The following AVL9 variants were observed in gnomAD, a reference collection of about 807,000 sequenced individuals.
AVL9 encodes the protein AVL9 cell migration associated.
AVL9 carries 49 observed loss-of-function variants against 79.2 expected under a neutral mutation model. The observed-to-expected ratio is 0.62, with a 90% confidence interval of 0.49 to 0.79. The LOEUF is 0.79. AVL9 is among the 30% of genes least tolerant of loss of function. AVL9 has a pLI of 0.00. For missense variants in AVL9, 682 were observed against 776.8 expected (o/e 0.88, Z 1.45); for synonymous variants, 299 against 280.6 (o/e 1.07, Z -0.65).
intron 1 of AVL9, among the ~76,000 whole-genome samples, chr7:32,521,978 T>G (rs1788176708): frequency 6.6e-6 from 1 of 152,224 alleles, no homozygotes; most frequent in Non-Finnish European, 1.5e-5. Context: ...CACATGGTGT[T>G]GAGCCTGCAG....
intron 1 of AVL9, among the ~76,000 whole-genome samples, chr7:32,520,330 G>A (rs12155178): frequency 0.71 from 108,541 of 152,102 alleles, 38,854 homozygotes; most frequent in South Asian, 0.85. Context: ...TGTAAAAATA[G>A]CCACTGTAAG....
intron 1 of AVL9, among the ~76,000 whole-genome samples, chr7:32,518,992 A>G (rs1365447729): frequency 2.0e-5 from 3 of 152,216 alleles, no homozygotes; most frequent in Non-Finnish European, 2.9e-5. Flanking sequence ...TAATCTATAG[A>G]AGAAAAATTT....
chr7:32,566,201 G>A (rs1172002897), intron 10 of AVL9, among the ~76,000 whole-genome samples: 1 of 7,866 alleles, frequency 1.3e-4, no homozygotes, highest in Admixed American at 1.7e-3. Flanking sequence ...TTGGAGACAA[G>A]GTCTCACCAC....
At position 32,559,433 on chromosome 7, in the gene AVL9, A is replaced by C; in HGVS notation, c.1184A>C (p.Gln395Pro). 1 of 1,590,520 alleles carries C rather than the reference A, an allele frequency of 6.3e-7. No individual in the cohort carries two copies. The highest frequency in any genetic ancestry group is 8.6e-7 in the Non-Finnish European group (1 of 1,169,496). ...CTCATTTCGGGTTTGGAAGAGGATC[A>C]GTATGGCATGCCCCTGGCCATCTTC... The part of the protein sequence containing the change: ...PGLISGLEED[Q>P]YGMPLAIFTK... Residue 395 changes from glutamine to proline, a missense_variant, in exon 10 of 16, where the codon CAG becomes CCG. Physicochemically the swap from Gln to Pro is moderately conservative, Grantham distance 76 (BLOSUM62 -1). Coordinates refer to ENST00000318709, the MANE Select transcript of AVL9 (RefSeq NM_015060.3).
intron 4 of AVL9, among the ~76,000 whole-genome samples, chr7:32,550,312 A>G (rs1379535947): frequency 1.1e-5 from 1 of 89,126 alleles, no homozygotes; most frequent in Admixed American, 1.4e-4. Flanking sequence ...ATAAAGGCAT[A>G]TCTCAGAAAA....
rs1248912641 is a variant in AVL9, at chr7:32,579,411, AAT to A, written c.1689-805_1689-804del. On this transcript the variant is annotated intron_variant, in intron 13 of 15. Coordinates refer to ENST00000318709, the MANE Select transcript of AVL9 (RefSeq NM_015060.3). ...ATATTATATGTTATATATTATATAT[AAT>A]ATGTTATATATATAATATATATATT... Among the ~76,000 whole-genome samples the A allele has an allele frequency of 8.0e-3, 26 of 3,266 alleles. 8 individuals are homozygous for A. In the East Asian group the frequency reaches 0.15, roughly 18 times the overall value. 2.1% of individuals were successfully genotyped at this position (3,266 alleles called of 152,430 possible). A position where few individuals can be genotyped will look rare whatever the true frequency, so the allele number is the denominator to read the frequency against.
At chr7:32,543,308 T>A (rs981025778) in intron 2 of AVL9, 47 bp downstream of exon 2, 2 of 1,598,758 alleles carry the variant, frequency 1.3e-6, no homozygotes, top group South Asian at 1.1e-5. Flanking sequence ...TTTGAAAAAA[T>A]TTGCCAAGAT....
chr7:32,521,025 G>A (rs564935040), intron 1 of AVL9, among the ~76,000 whole-genome samples: 23 of 151,730 alleles, frequency 1.5e-4, no homozygotes, highest in Admixed American at 7.9e-4. Context: ...TCTTCCCGCC[G>A]ACATGTAATA....
rs572723858 is a variant in AVL9 at position 32,569,353 on chromosome 7, C to G, written c.1216-667C>G. 4.1e-5 allele frequency among the ~76,000 whole-genome samples: 6 copies of G among 146,660 alleles called. No individual in the cohort carries two copies. The South Asian group carries it at 1.1e-3, about 28-fold the overall frequency. On this transcript the variant is annotated intron_variant, in intron 10 of 15. Transcript: ENST00000318709. ...ATTCCAGTGTTAACACTTGTACTCTCAGGAAGTATGCTGGATTTTTTCTAT... is the reference window on the plus strand; with the variant it reads ...ATTCCAGTGTTAACACTTGTACTCTGAGGAAGTATGCTGGATTTTTTCTAT...
intron 6 of AVL9, 34 bp from the exon 7 acceptor site, chr7:32,553,693 T>C (rs1484076866): frequency 6.4e-7 from 1 of 1,566,508 alleles, no homozygotes; most frequent in Non-Finnish European, 8.8e-7. Flanking sequence ...CATTACATTG[T>C]AGTCACACTT....
At chr7:32,538,260 C>T (rs1789006497) in intron 1 of AVL9, 1 of 152,066 alleles carries the variant, frequency 6.6e-6, no homozygotes, top group African/African-American at 2.4e-5. Flanking sequence ...CCCTTAACTC[C>T]AAGATTATAG....
Position 32,559,396 on chromosome 7 carries a change from C to T in AVL9, c.1147C>T (p.Leu383=), listed in dbSNP as rs1790235224. 6.2e-7 allele frequency: 1 copy of T among 1,611,814 alleles called. No homozygotes were observed. The highest frequency in any genetic ancestry group is 1.7e-5 in the Admixed American group (1 of 59,616). ...TCAAGCTAATACGGGACAGGTAGTC[C>T]TGATACCAGGGCTCATTTCGGGTTT... ...QPQANTGQVV[L]IPGLISGLEE... Residue 383 remains leucine (L), a synonymous_variant, in exon 10 of 16, where the codon CTG becomes TTG. Coordinates refer to ENST00000318709, the MANE Select transcript of AVL9 (RefSeq NM_015060.3).
At chr7:32,537,181 C>T (rs2128131433) in intron 1 of AVL9, 1 of 152,214 alleles carries the variant, frequency 6.6e-6, no homozygotes, top group Non-Finnish European at 1.5e-5. Flanking sequence ...TCTAGGTCCT[C>T]CTACCACTAG....
intron 5 of AVL9, among the ~76,000 whole-genome samples, chr7:32,551,987 G>T (rs1172557725): frequency 7.1e-6 from 1 of 140,082 alleles, no homozygotes; most frequent in Non-Finnish European, 1.5e-5. Context: ...TGTAGAGGGA[G>T]AAAGGAATAC....
At chr7:32,516,514 T>G (rs1212977478) in intron 1 of AVL9, among the ~76,000 whole-genome samples, 2 of 152,170 alleles carry the variant, frequency 1.3e-5, no homozygotes, top group Non-Finnish European at 2.9e-5. Context: ...TCCCCTGGAT[T>G]ACTAGGGGCT....
intron 1 of AVL9, among the ~76,000 whole-genome samples, chr7:32,519,245 G>A (rs4723167): frequency 0.35 from 53,209 of 151,866 alleles, 9,650 homozygotes; most frequent in East Asian, 0.48. Context: ...TGGCCAAGAT[G>A]GTGAAACCCC....
At chr7:32,568,982 G>T (rs370296841) in intron 10 of AVL9, among the ~76,000 whole-genome samples, 1 of 152,116 alleles carries the variant, frequency 6.6e-6, no homozygotes, top group African/African-American at 2.4e-5. Context: ...CCAACTTTTG[G>T]AAGTCTTCCC....
chr7:32,521,964 C>T (rs934279008), intron 1 of AVL9, among the ~76,000 whole-genome samples: 2 of 152,186 alleles, frequency 1.3e-5, no homozygotes, highest in Non-Finnish European at 1.5e-5. Flanking sequence ...GCTTTGGCAG[C>T]GTCCACATGG....
intron 1 of AVL9, among the ~76,000 whole-genome samples, chr7:32,510,234 T>C (rs1469520776): frequency 6.6e-6 from 1 of 150,722 alleles, no homozygotes; most frequent in African/African-American, 2.5e-5. Flanking sequence ...GCTGTGGGAG[T>C]CCACAGTCCT....
Sources: allele counts gnomAD v4.1 joint callset (sites outside exome capture counted in the v4.1 genomes callset), GRCh38; gene constraint gnomAD v4.1.1; transcripts MANE v1.5; gene names NCBI Gene and HGNC (gene_info 2026-07-23, HGNC 2026-07-21).